The following SEL1L2 variants were observed in gnomAD, a reference collection of about 807,000 sequenced individuals.
SEL1L2 encodes the protein SEL1L2 adaptor subunit of SYVN1 ubiquitin ligase.
SEL1L2 carries 89 observed loss-of-function variants against 98.8 expected under a neutral mutation model. The ratio of observed to expected loss-of-function variants is 0.90; its 90% CI spans 0.76 to 1.07. SEL1L2 has a LOEUF of 1.07. SEL1L2 is among the 50% of genes least tolerant of loss of function. SEL1L2 has a pLI of 0.00. For missense variants in SEL1L2, 788 were observed against 812.0 expected, an observed-to-expected ratio of 0.97 and a Z score of 0.36; for synonymous variants, 262 against 278.5, an observed-to-expected ratio of 0.94 and a Z score of 0.59.
At chr20:13,919,498 C>T (rs1417822844) in intron 3 of SEL1L2, among the ~76,000 whole-genome samples, 1 of 152,138 alleles carries the variant, frequency 6.6e-6, no homozygotes, top group Non-Finnish European at 1.5e-5. Context: ...CTGGCAAAGA[C>T]TCTCTTGTCT....
chr20:13,919,138 AC>A lies in SEL1L2; in HGVS notation c.284-16del. On this transcript the variant is annotated splice_polypyrimidine_tract_variant and intron_variant, in intron 3 of 19. Coordinates refer to ENST00000284951, the MANE Select transcript of SEL1L2 (RefSeq NM_025229.2). ...TTGCTTTTGTACTATACATGAACAAACAAAAAATAAAAACAATATTACTTCT... is the reference window on the plus strand; with the variant it reads ...TTGCTTTTGTACTATACATGAACAAAAAAAAATAAAAACAATATTACTTCT... 6.9e-7 allele frequency: 1 copy of A among 1,441,172 alleles called. No homozygotes were observed. Among genetic ancestry groups the A allele is most frequent in the East Asian group, 2.3e-5 (1 of 44,014 alleles). 89.3% of individuals were successfully genotyped at this position (1,441,172 alleles called of 1,614,324 possible).
intron 3 of SEL1L2, among the ~76,000 whole-genome samples, chr20:13,919,355 G>C (rs1600746477): frequency 6.6e-6 from 1 of 152,176 alleles, no homozygotes; most frequent in Non-Finnish European, 1.5e-5. Context: ...GAAAGGATCT[G>C]GAAGGTGAAG....
intron 4 of SEL1L2, among the ~76,000 whole-genome samples, chr20:13,916,683 G>C (rs1402828530): frequency 6.6e-6 from 1 of 152,134 alleles, no homozygotes; most frequent in African/African-American, 2.4e-5. Context: ...GTGGGCACCT[G>C]TCATCTCAGC....
rs1987843315 is a variant in SEL1L2 at position 13,849,458 on chromosome 20, T to C, written c.*27A>G. 2 of 1,611,882 alleles carry C rather than the reference T, an allele frequency of 1.2e-6. No individual in the cohort carries two copies. Among genetic ancestry groups the C allele is most frequent in the African/African-American group, 1.3e-5 (1 of 74,900 alleles). ...ATACCTTGGAGTGAACTGATTCCCG[T>C]GAGCAGGTTTTCCTGTGATCCGCAT... On this transcript the variant is annotated 3_prime_UTR_variant, in exon 20 of 20. Coordinates refer to ENST00000284951, the MANE Select transcript of SEL1L2 (RefSeq NM_025229.2).
intron 1 of SEL1L2, among the ~76,000 whole-genome samples, chr20:13,975,381 A>G (rs1480473823): frequency 6.6e-6 from 1 of 152,168 alleles, no homozygotes; most frequent in Non-Finnish European, 1.5e-5. Context: ...AGTATGCACA[A>G]ACAGCCTGAG....
At chr20:13,909,848 C>T (rs2048138008) in intron 5 of SEL1L2, among the ~76,000 whole-genome samples, 1 of 151,958 alleles carries the variant, frequency 6.6e-6, no homozygotes, top group Admixed American at 6.6e-5. Context: ...GCCCGTAGTT[C>T]CGTTCCAGTT....
intron 2 of SEL1L2, among the ~76,000 whole-genome samples, chr20:13,932,849 C>A (rs900708984): frequency 2.0e-5 from 3 of 151,930 alleles, no homozygotes; most frequent in Non-Finnish European, 2.9e-5. Context: ...GAGGTGGTAG[C>A]AAAGACATCA....
At chr20:13,992,837 G>C (rs1302666413), upstream of SEL1L2, among the ~76,000 whole-genome samples, 1 of 152,116 alleles carries the variant, frequency 6.6e-6, no homozygotes, top group African/African-American at 2.4e-5. Flanking sequence ...AGCAGGGAAA[G>C]GGGGTGGGAG....
chr20:13,880,246 A>T (rs2046632221), intron 10 of SEL1L2, among the ~76,000 whole-genome samples: 2 of 152,246 alleles, frequency 1.3e-5, no homozygotes, highest in Non-Finnish European at 2.9e-5. Context: ...CTTGTAATAG[A>T]GACTTCTGAA....
chr20:13,856,961 T>C (rs6042394), intron 18 of SEL1L2, among the ~76,000 whole-genome samples: 17,258 of 152,192 alleles, frequency 0.11, 1,072 homozygotes, highest in African/African-American at 0.16. Flanking sequence ...TCTCCTACTC[T>C]CTTTGCTTTC....
intron 3 of SEL1L2, among the ~76,000 whole-genome samples, chr20:13,929,485 G>T (rs1259769259): frequency 1.0e-4 from 9 of 86,888 alleles, no homozygotes; most frequent in East Asian, 3.8e-4. Flanking sequence ...AATTGCCTTT[G>T]CCTTTTTTTT....
chr20:13,987,391 G>A (rs575244382), intron 1 of SEL1L2, among the ~76,000 whole-genome samples: 3 of 150,930 alleles, frequency 2.0e-5, no homozygotes, highest in Non-Finnish European at 2.9e-5. Flanking sequence ...TGTTGCCCAG[G>A]CTGGAGTGCA....
intron 2 of SEL1L2, among the ~76,000 whole-genome samples, chr20:13,940,524 T>A (rs907085997): frequency 6.6e-6 from 1 of 152,122 alleles, no homozygotes; most frequent in Non-Finnish European, 1.5e-5. Flanking sequence ...GGAGGTGGCA[T>A]TTTACTGAAG....
chr20:13,944,367 A>G lies in SEL1L2; in HGVS notation c.114+11709T>C, dbSNP rs575405027. 2.0e-5 allele frequency among the ~76,000 whole-genome samples: 3 copies of G among 152,340 alleles called. No individual in the cohort carries two copies. In the South Asian group the frequency reaches 6.2e-4, roughly 32 times the overall value. ...AATGCAGGAGATCAGAGAGTTGGCT[A>G]CCACAGAGTCCAGATGGGTGAGCTG... On this transcript the variant is annotated intron_variant, in intron 2 of 19. Coordinates refer to ENST00000284951, the MANE Select transcript of SEL1L2 (RefSeq NM_025229.2).
At chr20:13,987,287 C>T (rs1307197873) in intron 1 of SEL1L2, among the ~76,000 whole-genome samples, 1 of 150,736 alleles carries the variant, frequency 6.6e-6, no homozygotes, top group Admixed American at 6.6e-5. Flanking sequence ...TTCTCCACAT[C>T]CTTCCAAAAT....
At chr20:13,885,545 C>A (rs562478069) in intron 9 of SEL1L2, 142 bp from the exon 10 acceptor site, 1 of 650,326 alleles carries the variant, frequency 1.5e-6, no homozygotes, top group Non-Finnish European at 2.8e-6. Flanking sequence ...ACATTCCAGA[C>A]TATATCATTT....
At chr20:13,928,903 G>A (rs1015530068) in intron 3 of SEL1L2, among the ~76,000 whole-genome samples, 1 of 152,158 alleles carries the variant, frequency 6.6e-6, no homozygotes, top group African/African-American at 2.4e-5. Flanking sequence ...GGCTGTGTTG[G>A]TCAATTTCAT....
At chr20:13,960,708 C>G (rs564630949) in intron 1 of SEL1L2, among the ~76,000 whole-genome samples, 2 of 152,106 alleles carry the variant, frequency 1.3e-5, no homozygotes, top group Non-Finnish European at 2.9e-5. Flanking sequence ...GAGATCTGCA[C>G]CACTGTTTTA....
intron 4 of SEL1L2, among the ~76,000 whole-genome samples, chr20:13,917,786 C>CTTTTTTTTTTTTTTTTTTTTTTTTT (rs5840588): frequency 1.2e-4 from 6 of 50,074 alleles, no homozygotes; most frequent in East Asian, 8.4e-4. Context: ...TTCTTTCTTT[C>CTTTTTTTTTTTTTTTTTTTTTTTTT]TTTTTTTTTT....
Sources: allele counts gnomAD v4.1 joint callset (sites outside exome capture counted in the v4.1 genomes callset), GRCh38; gene constraint gnomAD v4.1.1; transcripts MANE v1.5; gene names NCBI Gene and HGNC (gene_info 2026-07-23, HGNC 2026-07-21).